SNRPB: variants seen among roughly 807,000 people sequenced by gnomAD.
SNRPB encodes small nuclear ribonucleoprotein-associated proteins B and B'.
A neutral mutation model predicts 26.6 loss-of-function variants in SNRPB; 5 were observed. That is an observed-to-expected ratio of 0.19 (90% confidence interval 0.10 to 0.39). The LOEUF is 0.39. Among genes scored for constraint, SNRPB ranks in the 10% least tolerant of loss-of-function variants. The pLI is 1.00. For missense variants in SNRPB, 211 were observed against 311.9 expected (o/e 0.68, Z 2.44); for synonymous variants, 122 against 105.8 (o/e 1.15, Z -0.94).
chr20:2,461,691 A>G lies in SNRPB; in HGVS notation c.*238T>C. The G allele has an allele frequency of 9.0e-7, 1 of 1,106,518 alleles. No homozygotes were observed. Among genetic ancestry groups the G allele is most frequent in the Non-Finnish European group, 1.3e-6 (1 of 769,314 alleles). The allele number at this position is 1,106,518 out of a possible 1,614,324, so 68.5% of individuals were successfully genotyped here. A position where few individuals can be genotyped will look rare whatever the true frequency, so the allele number is the denominator to read the frequency against. ...TAAACCAGTTTCATAGGCCACAAGG[A>G]GATAAAAGGACTATGTACAGCCTTA... On this transcript the variant is annotated 3_prime_UTR_variant, in exon 7 of 7. Transcript: ENST00000381342.
Position 2,461,651 on chromosome 20 carries a change from C to CTT in SNRPB, c.*276_*277dup. 1 of 757,914 alleles carries CTT rather than the reference C, an allele frequency of 1.3e-6. No homozygotes were observed. The highest frequency in any genetic ancestry group is 2.1e-6 in the Non-Finnish European group (1 of 473,226). The allele number at this position is 757,914 out of a possible 1,614,324, so 46.9% of individuals were successfully genotyped here. A position where few individuals can be genotyped will look rare whatever the true frequency, so the allele number is the denominator to read the frequency against. On this transcript the variant is annotated 3_prime_UTR_variant, in exon 7 of 7. Transcript: ENST00000381342. Reference sequence around the variant, plus strand: ...TCCATAGGTGCAATTATAATGTTCTCTTAAGAGTTTATTATAAACCAGTTT... The same window carrying CTT: ...TCCATAGGTGCAATTATAATGTTCTCTTTTAAGAGTTTATTATAAACCAGTTT...
At position 2,462,720 on chromosome 20, in the gene SNRPB, G is replaced by A; in HGVS notation, c.601C>T (p.Pro201Ser). The change falls in exon 6 of 7, where the codon CCC becomes TCC. Residue 201 changes from proline (P) to serine (S), a missense_variant. Physicochemically the swap from Pro to Ser is moderately conservative, Grantham distance 74. Coordinates refer to ENST00000381342, the MANE Select transcript of SNRPB (RefSeq NM_003091.4). ...PPPGMRPPMG[P>S]PMGIPPGRGT... The stretch of plus-strand genomic sequence containing the variant: ...CTTCCAGGGGGGATCCCCATTGGGG[G>A]ACCCATAGGAGGTCTCATACCAGGA... 1 of 1,576,564 alleles carries A rather than the reference G, an allele frequency of 6.3e-7. No individual in the cohort carries two copies. The highest frequency in any genetic ancestry group is 8.6e-7 in the Non-Finnish European group (1 of 1,156,846).
chr20:2,464,874 C>CT (rs544874271), intron 3 of SNRPB, among the ~76,000 whole-genome samples: 1,286 of 44,358 alleles, frequency 0.029, 19 homozygotes, highest in African/African-American at 0.11. Context: ...ATCTAAAAAT[C>CT]TAAAAAAAAA....
At chr20:2,464,289 G>A (rs552703810) in intron 3 of SNRPB, among the ~76,000 whole-genome samples, 4 of 152,202 alleles carry the variant, frequency 2.6e-5, no homozygotes, top group Non-Finnish European at 5.9e-5. Flanking sequence ...CACAATCCCG[G>A]GCTGAGTTGC....
chr20:2,466,833 C>T (rs1052917179), intron 2 of SNRPB, among the ~76,000 whole-genome samples: 7 of 152,152 alleles, frequency 4.6e-5, no homozygotes, highest in African/African-American at 1.7e-4. Context: ...GCATCCCTAC[C>T]ACATTTTTAA....
Position 2,470,674 on chromosome 20 carries a change from T to C in SNRPB, c.3+14A>G. The C allele has an allele frequency of 6.2e-7, 1 of 1,613,690 alleles. No individual in the cohort carries two copies. The highest frequency in any genetic ancestry group is 8.5e-7 in the Non-Finnish European group (1 of 1,180,002). On this transcript the variant is annotated intron_variant, in intron 1 of 6. Transcript: ENST00000381342. ...CTCGGAAGCTCCCGCGCCGCCAGCCTGTGCCCTCCTTACCATGGTGGCGGT... is the reference window on the plus strand; with the variant it reads ...CTCGGAAGCTCCCGCGCCGCCAGCCCGTGCCCTCCTTACCATGGTGGCGGT...
Position 2,462,667 on chromosome 20 carries a change from C to CGGA in SNRPB, c.651_653dup (p.Pro218dup), listed in dbSNP as rs1168990256. ...TCCCAGGGGGAGGAGGCCGCATTCC[C>CGGA]GGAGGGGGCATGCCCATTGGAGTCC... On this transcript the variant is annotated inframe_insertion, in exon 6 of 7. Coordinates refer to ENST00000381342, the MANE Select transcript of SNRPB (RefSeq NM_003091.4). 1 of 1,612,198 alleles carries CGGA rather than the reference C, an allele frequency of 6.2e-7. No homozygotes were observed. The highest frequency in any genetic ancestry group is 1.3e-5 in the African/African-American group (1 of 74,892).
intron 3 of SNRPB, among the ~76,000 whole-genome samples, chr20:2,465,396 T>A (rs1042241811): frequency 6.8e-4 from 67 of 98,184 alleles, no homozygotes; most frequent in Admixed American, 2.9e-4. Context: ...ACCTCTTTTT[T>A]TTTTTTTTGT....
chr20:2,464,037 G>C (rs1477628805), intron 3 of SNRPB, 138 bp from the exon 4 acceptor site: 1 of 727,106 alleles, frequency 1.4e-6, no homozygotes, highest in Admixed American at 2.6e-5. Context: ...ACCTCTCCAT[G>C]TGTGCCAACA....
In SNRPB at chr20:2,462,648, G is replaced by T. The variant is rs774434271; in HGVS notation, c.673C>A (p.Pro225Thr). ...TGCAGGCACTTACCTCGCATCCCAG[G>T]GGGAGGAGGCCGCATTCCCGGAGGG... ...MPPPGMRPPP[P>T]GMRGLL The change falls in exon 6 of 7, where the codon CCT becomes ACT. Residue 225 changes from proline to threonine, a missense_variant. Coordinates refer to ENST00000381342, the MANE Select transcript of SNRPB (RefSeq NM_003091.4). 1.2e-6 allele frequency: 2 copies of T among 1,613,146 alleles called. No individual in the cohort carries two copies. Among genetic ancestry groups the T allele is most frequent in the South Asian group, 2.2e-5 (2 of 91,078 alleles).
intron 3 of SNRPB, among the ~76,000 whole-genome samples, chr20:2,465,186 A>G (rs994527123): frequency 6.6e-6 from 1 of 152,216 alleles, no homozygotes; most frequent in East Asian, 1.9e-4. Context: ...AAAACAAAAT[A>G]CACACATTTC....
chr20:2,470,752 T>C lies in SNRPB; in HGVS notation c.-62A>G. The C allele has an allele frequency of 3.1e-6, 5 of 1,598,888 alleles. No homozygotes were observed. The highest frequency in any genetic ancestry group is 1.7e-4 in the Middle Eastern group (1 of 6,032). On this transcript the variant is annotated 5_prime_UTR_variant, in exon 1 of 7. Transcript: ENST00000381342. Reference sequence around the variant, plus strand: ...CGCCTCCTCAGAGGCCTAGCCTCTCTCCCACAGCCGATTTCCCGCCGCCGC... The same window carrying C: ...CGCCTCCTCAGAGGCCTAGCCTCTCCCCCACAGCCGATTTCCCGCCGCCGC...
intron 3 of SNRPB, among the ~76,000 whole-genome samples, chr20:2,464,531 C>T (rs1022862470): frequency 2.0e-5 from 3 of 152,340 alleles, no homozygotes; most frequent in Admixed American, 6.5e-5. Context: ...ACTCTGTACT[C>T]ATTTGAGAAA....
chr20:2,463,740 T>G lies in SNRPB; in HGVS notation c.420+7A>C. On this transcript the variant is annotated splice_region_variant and intron_variant, in intron 4 of 6. Transcript: ENST00000381342. This position sits in a 1 kb window ranked among gnomAD's most constrained non-coding sequence, Gnocchi z 5.0. ...CAGGAGGTGGTACCCTTTCCCCAACTCCTCACCTGTTGGGATGGCCCGCCA... is the reference window on the plus strand; with the variant it reads ...CAGGAGGTGGTACCCTTTCCCCAACGCCTCACCTGTTGGGATGGCCCGCCA... 1.3e-6 allele frequency: 2 copies of G among 1,571,894 alleles called. No homozygotes were observed. The highest frequency in any genetic ancestry group is 2.3e-5 in the South Asian group (2 of 85,468).
At position 2,463,235 on chromosome 20, in the gene SNRPB, G is replaced by C; in HGVS notation, c.421-8C>G. ...TCCTTGTGGGGTCATCACCTAAGAGGACATAAGAAGAAAGAGTTAGAAGAG... is the reference window on the plus strand; with the variant it reads ...TCCTTGTGGGGTCATCACCTAAGAGCACATAAGAAGAAAGAGTTAGAAGAG... On this transcript the variant is annotated splice_region_variant and splice_polypyrimidine_tract_variant and intron_variant, in intron 4 of 6. Transcript: ENST00000381342. The surrounding 1 kb of genome is among the most constrained non-coding windows in gnomAD (Gnocchi z 5.0). The C allele has an allele frequency of 2.5e-6, 4 of 1,607,274 alleles. No homozygotes were observed. The highest frequency in any genetic ancestry group is 3.4e-6 in the Non-Finnish European group (4 of 1,174,050).
At position 2,463,237 on chromosome 20, in the gene SNRPB, C is replaced by T. The variant is rs201164290; in HGVS notation, c.421-10G>A. 29 of 1,606,858 alleles carry T rather than the reference C, an allele frequency of 1.8e-5. No homozygotes were observed. Among genetic ancestry groups the T allele is most frequent in the Non-Finnish European group, 2.5e-5 (29 of 1,173,634 alleles). On this transcript the variant is annotated splice_polypyrimidine_tract_variant and intron_variant, in intron 4 of 6. Transcript: ENST00000381342. The surrounding 1 kb of genome is among the most constrained non-coding windows in gnomAD (Gnocchi z 5.0). ...CTTGTGGGGTCATCACCTAAGAGGACATAAGAAGAAAGAGTTAGAAGAGTA... is the reference window on the plus strand; with the variant it reads ...CTTGTGGGGTCATCACCTAAGAGGATATAAGAAGAAAGAGTTAGAAGAGTA...
intron 3 of SNRPB, among the ~76,000 whole-genome samples, chr20:2,465,145 G>T (rs1164701492): frequency 6.6e-6 from 1 of 152,230 alleles, no homozygotes; most frequent in African/African-American, 2.4e-5. Flanking sequence ...GCGCAAGGTA[G>T]ATTCTCAGTA....
chr20:2,468,398 G>A (rs2085088162), intron 1 of SNRPB, among the ~76,000 whole-genome samples: 1 of 152,200 alleles, frequency 6.6e-6, no homozygotes, highest in Non-Finnish European at 1.5e-5. Flanking sequence ...GGGTTCCAAT[G>A]TGCTAAAATA....
In SNRPB at chr20:2,463,594, A is replaced by C. The variant is rs2085050760; in HGVS notation, c.420+153T>G. ...TTTACAATGGCAACTTATCCTTTTCACTTGCTTCTAGGGCCATGTATAAAC... is the reference window on the plus strand; with the variant it reads ...TTTACAATGGCAACTTATCCTTTTCCCTTGCTTCTAGGGCCATGTATAAAC... On this transcript the variant is annotated intron_variant, in intron 4 of 6. Transcript: ENST00000381342. This position sits in a 1 kb window ranked among gnomAD's most constrained non-coding sequence, Gnocchi z 5.0. 1.3e-5 allele frequency among the ~76,000 whole-genome samples: 2 copies of C among 152,180 alleles called. No homozygotes were observed. Among genetic ancestry groups the C allele is most frequent in the African/African-American group, 4.8e-5 (2 of 41,432 alleles).
Sources: allele counts gnomAD v4.1 joint callset (sites outside exome capture counted in the v4.1 genomes callset), GRCh38; gene constraint gnomAD v4.1.1; non-coding constraint Gnocchi (gnomAD v3.1); transcripts MANE v1.5; gene names NCBI Gene and HGNC (gene_info 2026-07-23, HGNC 2026-07-21).